ARHGAP18: variants seen among roughly 807,000 people sequenced by gnomAD.
ARHGAP18 encodes the protein Rho GTPase activating protein 18.
A neutral mutation model predicts 86.2 loss-of-function variants in ARHGAP18; 67 were observed. The ratio of observed to expected loss-of-function variants is 0.78; its 90% CI spans 0.64 to 0.95. The LOEUF (loss-of-function observed/expected upper bound fraction) is 0.95, where lower values mean the gene tolerates loss of function less well. Among genes scored for constraint, ARHGAP18 ranks in the 40% least tolerant of loss-of-function variants. The probability of loss-of-function intolerance (pLI) is 0.00; values close to 1 mark genes in which losing one functional copy is unlikely to be tolerated. For missense variants in ARHGAP18, 691 were observed against 780.4 expected, an observed-to-expected ratio of 0.89 and a Z score of 1.37; for synonymous variants, 283 against 280.4, an observed-to-expected ratio of 1.01 and a Z score of -0.09.
intron 7 of ARHGAP18, among the ~76,000 whole-genome samples, chr6:129,615,341 G>T (rs867758499): frequency 3.9e-5 from 6 of 152,160 alleles, no homozygotes; most frequent in Non-Finnish European, 7.4e-5. Flanking sequence ...AGTTTGTCAG[G>T]AGAAATAATG....
intron 8 of ARHGAP18, among the ~76,000 whole-genome samples, chr6:129,608,674 A>T (rs979826290): frequency 2.0e-5 from 3 of 152,208 alleles, no homozygotes; most frequent in African/African-American, 7.2e-5. Context: ...TTACCTCAGA[A>T]CTCTACAAAA....
intron 7 of ARHGAP18, among the ~76,000 whole-genome samples, chr6:129,614,697 C>T (rs1454067337): frequency 6.6e-6 from 1 of 151,536 alleles, no homozygotes; most frequent in Non-Finnish European, 1.5e-5. Context: ...TTGGCTAGGC[C>T]ATAGCGCCCA....
chr6:129,617,224 G>C (rs959146369), intron 6 of ARHGAP18, among the ~76,000 whole-genome samples: 11 of 152,138 alleles, frequency 7.2e-5, no homozygotes, highest in Admixed American at 2.0e-4. Context: ...AGTCTGGTAT[G>C]AACATGGCTT....
At chr6:129,646,970 A>G (rs1398970258) in intron 1 of ARHGAP18, among the ~76,000 whole-genome samples, 1 of 152,182 alleles carries the variant, frequency 6.6e-6, no homozygotes, top group Non-Finnish European at 1.5e-5. Flanking sequence ...TTTCAATTCT[A>G]TGGGCAAAAC....
intron 12 of ARHGAP18, among the ~76,000 whole-genome samples, chr6:129,593,246 T>C (rs914216127): frequency 1.3e-5 from 2 of 151,994 alleles, no homozygotes; most frequent in African/African-American, 2.4e-5. Flanking sequence ...GATCGCTTCA[T>C]GCCAGGAGTT....
chr6:129,606,526 T>C (rs1025317579), intron 9 of ARHGAP18, among the ~76,000 whole-genome samples: 2 of 152,154 alleles, frequency 1.3e-5, no homozygotes, highest in African/African-American at 2.4e-5. Flanking sequence ...CAGCAGCCCT[T>C]ACCCCATTTA....
At position 129,584,087 on chromosome 6, in the gene ARHGAP18, C is replaced by A; in HGVS notation, c.1739G>T (p.Arg580Leu). The change falls in exon 13 of 15, where the codon CGA becomes CTA. Residue 580 changes from arginine to leucine, a missense_variant. Coordinates refer to ENST00000368149, the MANE Select transcript of ARHGAP18 (RefSeq NM_033515.3). ...NDADVPQGVI[R>L]VQAPHLSKVS... ...TTTCGAAAGATGGGGAGCTTGCACTCGAATCACTCCCTGAGGAACGTCAGC... is the reference window on the plus strand; with the variant it reads ...TTTCGAAAGATGGGGAGCTTGCACTAGAATCACTCCCTGAGGAACGTCAGC... 6.2e-7 allele frequency: 1 copy of A among 1,613,562 alleles called. No individual in the cohort carries two copies. The highest frequency in any genetic ancestry group is 8.5e-7 in the Non-Finnish European group (1 of 1,179,708).
chr6:129,600,263 G>A (rs146059446), intron 11 of ARHGAP18, among the ~76,000 whole-genome samples: 97 of 152,228 alleles, frequency 6.4e-4, no homozygotes, highest in African/African-American at 2.1e-3. Context: ...CTCAAAATAA[G>A]TGTAAAACAG....
At chr6:129,581,248 A>T (rs1488138673) in intron 13 of ARHGAP18, among the ~76,000 whole-genome samples, 3 of 152,144 alleles carry the variant, frequency 2.0e-5, no homozygotes, top group African/African-American at 7.2e-5. Flanking sequence ...GGAATGGCTC[A>T]TCTGGTTCTC....
At chr6:129,580,618 G>A (rs768276350) in intron 13 of ARHGAP18, among the ~76,000 whole-genome samples, 4 of 152,202 alleles carry the variant, frequency 2.6e-5, no homozygotes, top group Non-Finnish European at 5.9e-5. Context: ...TGGGTGTGAA[G>A]GCTCATGCCT....
intron 7 of ARHGAP18, among the ~76,000 whole-genome samples, chr6:129,613,466 TAAC>T (rs1052648369): frequency 6.6e-6 from 1 of 152,196 alleles, no homozygotes; most frequent in African/African-American, 2.4e-5. Context: ...CTAGTCCTAT[TAAC>T]AAAAAGTACA....
At chr6:129,585,043 C>T (rs1166452251) in intron 12 of ARHGAP18, among the ~76,000 whole-genome samples, 11 of 138,664 alleles carry the variant, frequency 7.9e-5, no homozygotes, top group African/African-American at 2.4e-4. Context: ...TTTTAATGTA[C>T]ATGGTCTTGA....
intron 1 of ARHGAP18, among the ~76,000 whole-genome samples, chr6:129,677,355 T>A (rs1325523315): frequency 6.6e-6 from 1 of 151,744 alleles, no homozygotes; most frequent in Non-Finnish European, 1.5e-5. Flanking sequence ...ATCGCACCAC[T>A]GCAGTCCGGC....
Position 129,611,754 on chromosome 6 carries a change from C to T in ARHGAP18, c.1045-144G>A, listed in dbSNP as rs544332360. The stretch of plus-strand genomic sequence containing the variant: ...TGAGGTTTTGAATGCTATTTTACTA[C>T]CACTGTCCTTCAAAACAATAAGTCC... On this transcript the variant is annotated intron_variant, in intron 7 of 14. Transcript: ENST00000368149. 27 of 618,784 alleles carry T rather than the reference C, an allele frequency of 4.4e-5. No individual in the cohort carries two copies. The East Asian group carries it at 7.2e-4, about 16-fold the overall frequency. The allele number at this position is 618,784 out of a possible 1,614,324, so 38.3% of individuals were successfully genotyped here. A position where few individuals can be genotyped will look rare whatever the true frequency, so the allele number is the denominator to read the frequency against.
At chr6:129,643,931 A>T (rs144232940) in intron 1 of ARHGAP18, among the ~76,000 whole-genome samples, 125 of 152,340 alleles carry the variant, frequency 8.2e-4, no homozygotes, top group African/African-American at 2.9e-3. Flanking sequence ...TATTGCTGCA[A>T]ATAAATGCAG....
chr6:129,659,049 C>G (rs1048708199), intron 1 of ARHGAP18, among the ~76,000 whole-genome samples: 2 of 152,182 alleles, frequency 1.3e-5, no homozygotes, highest in African/African-American at 4.8e-5. Flanking sequence ...GCAATATACA[C>G]CAAATATCAT....
chr6:129,669,790 A>T (rs564683309), intron 1 of ARHGAP18, among the ~76,000 whole-genome samples: 366 of 152,206 alleles, frequency 2.4e-3, no homozygotes, highest in African/African-American at 8.2e-3. Flanking sequence ...CTCAAAAAAA[A>T]AAATAAATAA....
intron 10 of ARHGAP18, among the ~76,000 whole-genome samples, 185 bp downstream of exon 10, chr6:129,605,692 C>T (rs147822812): frequency 6.6e-5 from 10 of 152,012 alleles, no homozygotes; most frequent in African/African-American, 2.4e-4. Flanking sequence ...AACTTAATAA[C>T]ATTAGTAACA....
At chr6:129,695,513 C>CT (rs1774601037) in intron 1 of ARHGAP18, among the ~76,000 whole-genome samples, 2 of 152,182 alleles carry the variant, frequency 1.3e-5, no homozygotes, top group Non-Finnish European at 1.5e-5. Flanking sequence ...CTACCCTGGA[C>CT]TTTGCCTTCA....
Sources: allele counts gnomAD v4.1 joint callset (sites outside exome capture counted in the v4.1 genomes callset), GRCh38; gene constraint gnomAD v4.1.1; transcripts MANE v1.5; gene names NCBI Gene and HGNC (gene_info 2026-07-23, HGNC 2026-07-21).